Variants in SNTG2 observed in about 807,000 individuals in gnomAD.
The protein encoded by SNTG2 is syntrophin gamma 2, also known as gamma-2-syntrophin.
A neutral mutation model predicts 70.9 loss-of-function variants in SNTG2; 74 were observed. The ratio of observed to expected loss-of-function variants is 1.04; its 90% CI spans 0.86 to 1.27. The LOEUF is 1.27. Among genes scored for constraint, SNTG2 ranks in the 50% most tolerant of loss-of-function variants. SNTG2 has a pLI of 0.00. For missense variants in SNTG2, 717 were observed against 690.7 expected (o/e 1.04, Z -0.43); for synonymous variants, 278 against 273.8 (o/e 1.02, Z -0.15).
At chr2:1,302,341 A>G (rs1450367070) in intron 14 of SNTG2, among the ~76,000 whole-genome samples, 2 of 152,176 alleles carry the variant, frequency 1.3e-5, no homozygotes, top group African/African-American at 4.8e-5. Context: ...TGAAGAAACT[A>G]TTTGAAATAT....
chr2:1,092,096 G>A (rs1289433341), intron 2 of SNTG2, among the ~76,000 whole-genome samples: 1 of 152,180 alleles, frequency 6.6e-6, no homozygotes, highest in Non-Finnish European at 1.5e-5. Flanking sequence ...CATAGCCCCA[G>A]GGCGAAGTCT....
chr2:1,325,237 A>G lies in SNTG2; in HGVS notation c.1488+8862A>G, dbSNP rs370733576. Among the ~76,000 whole-genome samples the G allele has an allele frequency of 1.8e-4, 27 of 152,354 alleles. No individual in the cohort carries two copies. The East Asian group carries it at 2.7e-3, about 15-fold the overall frequency. On this transcript the variant is annotated intron_variant, in intron 16 of 16. Coordinates refer to ENST00000308624, the MANE Select transcript of SNTG2 (RefSeq NM_018968.4). ...AACTTATGCAAATAACTCTGTCACCATAAAATAAGAATACTCATGAATGGT... is the reference window on the plus strand; with the variant it reads ...AACTTATGCAAATAACTCTGTCACCGTAAAATAAGAATACTCATGAATGGT...
rs190664320 is a variant in SNTG2 at position 1,010,331 on chromosome 2, G to A, written c.72+59263G>A. 9.9e-5 allele frequency among the ~76,000 whole-genome samples: 15 copies of A among 152,258 alleles called. No homozygotes were observed. In the East Asian group the frequency reaches 2.9e-3, roughly 29 times the overall value. Reference sequence around the variant, plus strand: ...TAGATAACATAAATAAGTTGTATATGCCAAGACTGGACCTGGTCTAGCTGG... The same window carrying A: ...TAGATAACATAAATAAGTTGTATATACCAAGACTGGACCTGGTCTAGCTGG... On this transcript the variant is annotated intron_variant, in intron 1 of 16. Transcript: ENST00000308624.
At chr2:1,120,102 A>G (rs1319039220) in intron 4 of SNTG2, among the ~76,000 whole-genome samples, 1 of 152,182 alleles carries the variant, frequency 6.6e-6, no homozygotes, top group Non-Finnish European at 1.5e-5. Context: ...CTTGAATATT[A>G]CAACAAGAAA....
intron 2 of SNTG2, among the ~76,000 whole-genome samples, chr2:1,085,091 T>A (rs1342465361): frequency 6.6e-6 from 1 of 152,176 alleles, no homozygotes; most frequent in Admixed American, 6.5e-5. Context: ...TTCCCCGACA[T>A]GTAGATAAAT....
intron 2 of SNTG2, among the ~76,000 whole-genome samples, chr2:1,087,679 G>A (rs1664771046): frequency 6.6e-6 from 1 of 152,196 alleles, no homozygotes; most frequent in South Asian, 2.1e-4. Flanking sequence ...ATTAAATAAC[G>A]TATGGTAATG....
intron 1 of SNTG2, among the ~76,000 whole-genome samples, chr2:1,041,520 C>T (rs570467515): frequency 6.6e-6 from 1 of 152,206 alleles, no homozygotes; most frequent in East Asian, 1.9e-4. Flanking sequence ...GGAGGTGGAG[C>T]CTGGTGGGAG....
In SNTG2 at chr2:1,364,823, T is replaced by G. The variant is rs371231065; in HGVS notation, c.1489-2520T>G. Among the ~76,000 whole-genome samples, 538 of 151,314 alleles carry G rather than the reference T, an allele frequency of 3.6e-3. 4 individuals carry two copies. Among genetic ancestry groups the G allele is most frequent in the African/African-American group, 0.012 (490 of 41,126 alleles). On this transcript the variant is annotated intron_variant, in intron 16 of 16. Transcript: ENST00000308624. ...TACTCAGGAGGCTGAGGCAGGAGAA[T>G]GGCGTGAACCCAGGAGGCGGAGCTT...
intron 1 of SNTG2, among the ~76,000 whole-genome samples, chr2:1,055,487 A>G (rs1390811144): frequency 2.0e-5 from 3 of 152,150 alleles, no homozygotes; most frequent in South Asian, 2.1e-4. Context: ...GAGGCTCACA[A>G]CCTGCCTTGT....
intron 2 of SNTG2, among the ~76,000 whole-genome samples, chr2:1,093,625 C>T (rs1665178648): frequency 6.6e-6 from 1 of 152,250 alleles, no homozygotes; most frequent in Admixed American, 6.5e-5. Context: ...TTTCTCTCAA[C>T]TTTGACACAC....
chr2:1,232,134 G>A (rs1241745791), intron 9 of SNTG2, among the ~76,000 whole-genome samples: 1 of 152,104 alleles, frequency 6.6e-6, no homozygotes, highest in Non-Finnish European at 1.5e-5. Flanking sequence ...GGAAGTGAGG[G>A]GCTCAGAAGA....
At chr2:1,088,696 A>G (rs1011671694) in intron 2 of SNTG2, among the ~76,000 whole-genome samples, 8 of 152,342 alleles carry the variant, frequency 5.3e-5, no homozygotes, top group African/African-American at 1.7e-4. Context: ...AAACTGTAAT[A>G]TGAATTCTTC....
intron 14 of SNTG2, among the ~76,000 whole-genome samples, chr2:1,288,538 C>T (rs1679860632): frequency 6.6e-6 from 1 of 152,140 alleles, no homozygotes; most frequent in Non-Finnish European, 1.5e-5. Context: ...GCACACATGA[C>T]ACACACATGC....
At chr2:1,112,735 G>T (rs1275234162) in intron 4 of SNTG2, among the ~76,000 whole-genome samples, 2 of 149,766 alleles carry the variant, frequency 1.3e-5, no homozygotes, top group East Asian at 3.9e-4. Context: ...GGAGGATCGT[G>T]TGTACTAAGT....
intron 4 of SNTG2, among the ~76,000 whole-genome samples, chr2:1,130,492 T>C (rs1221020713): frequency 6.6e-6 from 1 of 152,250 alleles, no homozygotes; most frequent in Non-Finnish European, 1.5e-5. Context: ...CTGCTGAAAT[T>C]ATTTTAAGAA....
At chr2:1,104,444 C>T (rs1665986395) in intron 4 of SNTG2, among the ~76,000 whole-genome samples, 1 of 152,132 alleles carries the variant, frequency 6.6e-6, no homozygotes, top group African/African-American at 2.4e-5. Context: ...TTAATTCTCT[C>T]AAGATAATTT....
rs536973524 is a variant in SNTG2 at position 1,282,140 on chromosome 2, G to C, written c.1284+14569G>C. 1.1e-4 allele frequency among the ~76,000 whole-genome samples: 16 copies of C among 152,296 alleles called. No individual in the cohort carries two copies. In the South Asian group the frequency reaches 3.3e-3, roughly 32 times the overall value. ...GTGCCCACCTTACTTATTGGCTTTG[G>C]TATGACTACAGTAATGTCCTTCCCG... is the stretch of plus-strand genomic sequence containing the variant. On this transcript the variant is annotated intron_variant, in intron 14 of 16. Coordinates refer to ENST00000308624, the MANE Select transcript of SNTG2 (RefSeq NM_018968.4).
At chr2:1,299,457 C>T (rs565917959) in intron 14 of SNTG2, among the ~76,000 whole-genome samples, 2 of 152,304 alleles carry the variant, frequency 1.3e-5, no homozygotes, top group Admixed American at 1.3e-4. Flanking sequence ...TGCAGCTCCT[C>T]ACCCCAGCTT....
At chr2:1,111,183 A>G (rs1216415115) in intron 4 of SNTG2, among the ~76,000 whole-genome samples, 1 of 152,250 alleles carries the variant, frequency 6.6e-6, no homozygotes, top group East Asian at 1.9e-4. Flanking sequence ...TAAAGCTATC[A>G]AAGTATAAAT....
Sources: gnomAD v4.1 joint callset for allele counts (sites outside exome capture counted in the v4.1 genomes callset) on GRCh38, gnomAD v4.1.1 for gene constraint, MANE v1.5 for transcripts, NCBI Gene and HGNC (gene_info 2026-07-23, HGNC 2026-07-21) for gene names.